PDE1C: variants seen among roughly 807,000 people sequenced by gnomAD.
PDE1C encodes the protein dual specificity calcium/calmodulin-dependent 3',5'-cyclic nucleotide phosphodiesterase 1C.
Under a neutral mutation model 93.1 loss-of-function variants are expected in PDE1C, and 62 were observed. The ratio of observed to expected loss-of-function variants is 0.67; its 90% CI spans 0.54 to 0.82. PDE1C has a LOEUF of 0.82. Ranked by LOEUF, PDE1C falls within the 40% of genes least tolerant of loss-of-function variation. The pLI, the probability that PDE1C is intolerant of heterozygous loss-of-function variation, is 0.00. For missense variants in PDE1C, 742 were observed against 884.6 expected (o/e 0.84, Z 2.04); for synonymous variants, 325 against 310.1 (o/e 1.05, Z -0.50).
chr7:32,108,482 A>G (rs1350978461), intron 3 of PDE1C, among the ~76,000 whole-genome samples: 1 of 151,874 alleles, frequency 6.6e-6, no homozygotes, highest in East Asian at 1.9e-4. Context: ...AAAAAATAAG[A>G]AAATTAGAAA....
intron 16 of PDE1C, among the ~76,000 whole-genome samples, chr7:31,776,459 T>C (rs1428933628): frequency 6.6e-6 from 1 of 152,080 alleles, no homozygotes; most frequent in Non-Finnish European, 1.5e-5. Context: ...AATAAACCCT[T>C]TAATGGGTCA....
intron 2 of PDE1C, among the ~76,000 whole-genome samples, chr7:32,193,916 G>GTTT (rs1554283858): frequency 2.9e-4 from 33 of 115,240 alleles, no homozygotes; most frequent in South Asian, 1.6e-3. Context: ...GTTTTGTTTT[G>GTTT]TTTTTTTTTT....
In PDE1C at chr7:32,125,769, C is replaced by A. The variant is rs187346890; in HGVS notation, c.308+44016G>T. On this transcript the variant is annotated intron_variant, in intron 3 of 18. Coordinates refer to the PDE1C transcript ENST00000396193. The stretch of plus-strand genomic sequence containing the variant: ...TTAGAGGATGGGTCAACAGATGCAG[C>A]AAACCACCATGTCACACGTATATCT... Among the ~76,000 whole-genome samples the A allele has an allele frequency of 7.4e-3, 1,124 of 151,996 alleles. 18 individuals carry two copies. The highest frequency in any genetic ancestry group is 0.025 in the African/African-American group (1,026 of 41,494).
chr7:32,254,624 C>T (rs1809648720), intron 1 of PDE1C, among the ~76,000 whole-genome samples: 1 of 152,172 alleles, frequency 6.6e-6, no homozygotes, highest in Admixed American at 6.5e-5. Context: ...TCAGAGACAG[C>T]ACCAACTTGG....
chr7:32,296,197 G>A (rs966216506), intron 1 of PDE1C, among the ~76,000 whole-genome samples: 1 of 151,948 alleles, frequency 6.6e-6, no homozygotes, highest in African/African-American at 2.4e-5. Flanking sequence ...TTTTATTATT[G>A]TATTTTCTAA....
At chr7:32,126,687 G>T (rs939950639) in intron 3 of PDE1C, among the ~76,000 whole-genome samples, 1 of 152,056 alleles carries the variant, frequency 6.6e-6, no homozygotes, top group Admixed American at 6.6e-5. Flanking sequence ...GTACAAAAAG[G>T]TATAGTCTCT....
At chr7:31,678,679 T>C in the PDE1C span, among the ~76,000 whole-genome samples, 2 of 152,294 alleles carry the variant, frequency 1.3e-5, no homozygotes, top group Admixed American at 6.5e-5. Flanking sequence ...TATTTCATAG[T>C]TGAGATATGA....
chr7:31,851,987 T>G (rs1793398378), intron 7 of PDE1C, among the ~76,000 whole-genome samples: 1 of 152,170 alleles, frequency 6.6e-6, no homozygotes. Context: ...CAAATGTGAG[T>G]ATCCAAACTG....
intron 1 of PDE1C, among the ~76,000 whole-genome samples, chr7:32,282,485 A>ATAGATAGCTAGATAGATAGATAGATAG (rs1554300216): frequency 3.1e-4 from 45 of 143,918 alleles, no homozygotes; most frequent in Non-Finnish European, 4.2e-4. Context: ...TCAAAAAAAA[A>ATAGATAGCTAGATAGATAGATAGATAG]ATAGATAGAT....
chr7:32,136,422 A>G (rs1365834145), intron 3 of PDE1C, among the ~76,000 whole-genome samples: 1 of 151,924 alleles, frequency 6.6e-6, no homozygotes, highest in Non-Finnish European at 1.5e-5. Flanking sequence ...GCTCACTTGC[A>G]TTATTTTTTA....
intron 2 of PDE1C, among the ~76,000 whole-genome samples, chr7:32,194,522 G>T (rs758764375): frequency 4.2e-4 from 64 of 152,094 alleles, no homozygotes; most frequent in Non-Finnish European, 4.9e-4. Context: ...TTCCTTGTAG[G>T]CTGACCCTTT....
At chr7:32,340,682 C>T (rs142104263) in intron 1 of PDE1C, among the ~76,000 whole-genome samples, 16 of 152,112 alleles carry the variant, frequency 1.1e-4, no homozygotes, top group African/African-American at 3.6e-4. Flanking sequence ...AGCTACCAAG[C>T]CATGAAAAGA....
At chr7:31,728,052 T>A in the PDE1C span, among the ~76,000 whole-genome samples, 3 of 152,064 alleles carry the variant, frequency 2.0e-5, no homozygotes, top group Non-Finnish European at 4.4e-5. Context: ...TCAAAATAAA[T>A]AAATAAAAGT....
intron 1 of PDE1C, among the ~76,000 whole-genome samples, chr7:32,377,292 C>A (rs961780720): frequency 2.0e-5 from 3 of 152,196 alleles, no homozygotes; most frequent in Non-Finnish European, 4.4e-5. Flanking sequence ...CCCCTCTCAC[C>A]AAAGCCAGCA....
At position 31,957,755 on chromosome 7, in the gene PDE1C, G is replaced by A. The variant is rs138216380; in HGVS notation, c.129-76895C>T. On this transcript the variant is annotated intron_variant, in intron 2 of 17. Coordinates refer to ENST00000396191, the MANE Select transcript of PDE1C (RefSeq NM_001191057.4). Reference sequence around the variant, plus strand: ...TCAGCAATTTCTTTCCAGATGTGGCGTTGGTATTGCTGGGTGGAATGGGGT... The same window carrying A: ...TCAGCAATTTCTTTCCAGATGTGGCATTGGTATTGCTGGGTGGAATGGGGT... 1.4e-3 allele frequency among the ~76,000 whole-genome samples: 213 copies of A among 152,256 alleles called. 2 individuals carry two copies. Among genetic ancestry groups the A allele is most frequent in the African/African-American group, 4.8e-3 (201 of 41,536 alleles).
intron 1 of PDE1C, among the ~76,000 whole-genome samples, chr7:32,308,188 G>C (rs2128903810): frequency 6.6e-6 from 1 of 152,364 alleles, no homozygotes; most frequent in African/African-American, 2.4e-5. Context: ...TGGGGGAGGG[G>C]CGCCTGCCAT....
intron 1 of PDE1C, among the ~76,000 whole-genome samples, chr7:32,229,456 T>C (rs1807528381): frequency 6.6e-6 from 1 of 152,208 alleles, no homozygotes; most frequent in Non-Finnish European, 1.5e-5. Context: ...TGGGTCGCAT[T>C]GATTCTGTGG....
intron 3 of PDE1C, among the ~76,000 whole-genome samples, chr7:32,081,679 G>A (rs558802496): frequency 1.3e-5 from 2 of 152,240 alleles, no homozygotes; most frequent in East Asian, 3.9e-4. Flanking sequence ...CAAACAATGA[G>A]GTGGAATTAG....
chr7:31,651,051 G>T, the PDE1C span: 1 of 1,441,730 alleles, frequency 6.9e-7, no homozygotes. Context: ...CGAAAAAAGG[G>T]ATCCCAAATG....
Sources: gnomAD v4.1 joint callset for allele counts (sites outside exome capture counted in the v4.1 genomes callset) on GRCh38, gnomAD v4.1.1 for gene constraint, MANE v1.5 for transcripts, NCBI Gene and HGNC (gene_info 2026-07-23, HGNC 2026-07-21) for gene names.